Variants in CEP162 observed in about 807,000 individuals in gnomAD.
CEP162 encodes the protein centrosomal protein of 162 kDa.
Under a neutral mutation model 169.2 loss-of-function variants are expected in CEP162, and 141 were observed. The ratio of observed to expected loss-of-function variants is 0.83; its 90% confidence interval spans 0.73 to 0.96. The LOEUF (loss-of-function observed/expected upper bound fraction) is 0.96, where lower values mean the gene tolerates loss of function less well. Ranked by LOEUF, CEP162 falls within the 40% of genes least tolerant of loss-of-function variation. CEP162 has a pLI of 0.00. For missense variants in CEP162, 1,600 were observed against 1,587.2 expected, an observed-to-expected ratio of 1.01 and a Z score of -0.14; for synonymous variants, 540 against 526.4, an observed-to-expected ratio of 1.03 and a Z score of -0.35.
intron 23 of CEP162, among the ~76,000 whole-genome samples, chr6:84,150,489 T>C (rs888389525): frequency 1.3e-5 from 2 of 152,148 alleles, no homozygotes; most frequent in Non-Finnish European, 2.9e-5. Flanking sequence ...ATATGAATAT[T>C]TCTCCATGGA....
chr6:84,225,988 G>C (rs1249798801), intron 2 of CEP162, among the ~76,000 whole-genome samples: 4 of 152,056 alleles, frequency 2.6e-5, no homozygotes, highest in African/African-American at 9.7e-5. Flanking sequence ...AAGGCAGTGA[G>C]ATATGTAAGA....
intron 7 of CEP162, among the ~76,000 whole-genome samples, chr6:84,202,518 C>CTTTTTTTTTTTTTTTTTTTTTTTTTTTTT (rs70987776): frequency 2.2e-5 from 2 of 90,774 alleles, no homozygotes; most frequent in African/African-American, 1.2e-4. Flanking sequence ...TTCTTTCTTT[C>CTTTTTTTTTTTTTTTTTTTTTTTTTTTTT]TTTTTTTTTT....
At chr6:84,217,949 T>C (rs182639755) in intron 3 of CEP162, 1 of 152,132 alleles carries the variant, frequency 6.6e-6, no homozygotes, top group Non-Finnish European at 1.5e-5. Flanking sequence ...CAATGAACAA[T>C]AACCTACTCC....
At chr6:84,223,760 A>T (rs2099554656) in intron 2 of CEP162, among the ~76,000 whole-genome samples, 1 of 151,662 alleles carries the variant, frequency 6.6e-6, no homozygotes, top group Non-Finnish European at 1.5e-5. Flanking sequence ...CATAAAAATT[A>T]GCTGGGCGTG....
rs139517017 is a variant in CEP162 at position 84,172,213 on chromosome 6, T to C, written c.2167-495A>G. Among the ~76,000 whole-genome samples, 1,457 of 152,316 alleles carry C rather than the reference T, an allele frequency of 9.6e-3. 27 individuals are homozygous for C. Among genetic ancestry groups the C allele is most frequent in the African/African-American group, 0.033 (1,378 of 41,566 alleles). ...GGGTGCTCATACTTGTATCTGCTAC[T>C]GACTGTAAACAGGGAGTTAAAGACC... On this transcript the variant is annotated intron_variant, in intron 16 of 26. Transcript: ENST00000403245.
intron 16 of CEP162, among the ~76,000 whole-genome samples, chr6:84,172,922 A>T (rs1306483785): frequency 6.6e-6 from 1 of 152,184 alleles, no homozygotes; most frequent in Non-Finnish European, 1.5e-5. Context: ...GAAGATAACT[A>T]AACCTGTCCT....
intron 7 of CEP162, among the ~76,000 whole-genome samples, chr6:84,203,349 A>G (rs956793617): frequency 6.6e-6 from 1 of 152,248 alleles, no homozygotes; most frequent in East Asian, 1.9e-4. Flanking sequence ...AAGAAAAAGT[A>G]TAAGTTAACA....
chr6:84,190,173 C>T (rs574746173), intron 11 of CEP162, among the ~76,000 whole-genome samples: 2 of 152,180 alleles, frequency 1.3e-5, no homozygotes, highest in East Asian at 1.9e-4. Flanking sequence ...CTGCACCAAT[C>T]GACACTCTGT....
chr6:84,139,069 G>C (rs1426813273), intron 25 of CEP162, among the ~76,000 whole-genome samples: 2 of 152,106 alleles, frequency 1.3e-5, no homozygotes, highest in Non-Finnish European at 2.9e-5. Context: ...AGCTTTCCTG[G>C]CCTTTCACAC....
At chr6:84,194,543 T>C (rs1187182770) in intron 10 of CEP162, among the ~76,000 whole-genome samples, 1 of 151,214 alleles carries the variant, frequency 6.6e-6, no homozygotes, top group Non-Finnish European at 1.5e-5. Context: ...AACCTTCGTC[T>C]CCCGTGTTCA....
chr6:84,136,303 C>T (rs1353625725), intron 25 of CEP162, among the ~76,000 whole-genome samples: 9 of 152,154 alleles, frequency 5.9e-5, no homozygotes, highest in Admixed American at 1.3e-4. Context: ...GCTTACAGTT[C>T]GGCATCTGGA....
At chr6:84,171,208 C>A (rs1211286905) in intron 17 of CEP162, among the ~76,000 whole-genome samples, 2 of 152,122 alleles carry the variant, frequency 1.3e-5, no homozygotes, top group Admixed American at 1.3e-4. Flanking sequence ...TTCTATGGAA[C>A]CTGACCCAAG....
In CEP162 at chr6:84,201,754, GT is replaced by G. The variant is rs2099544608; in HGVS notation, c.700del (p.Thr234LeufsTer13). On this transcript the variant is annotated frameshift_variant, in exon 8 of 27. Transcript: ENST00000403245. LOFTEE classifies it high-confidence loss of function. ...ISVPKQEEEK[T>X]GMLANVVLLD... ...ATATTTACCATTAGCAAGCATGCCA[GT>G]TTTTTCTTCTTCCTAAATTAAAAAA... is the stretch of plus-strand genomic sequence containing the variant. 5 of 1,344,676 alleles carry G rather than the reference GT, an allele frequency of 3.7e-6. No individual in the cohort carries two copies. Among genetic ancestry groups the G allele is most frequent in the Non-Finnish European group, 5.1e-6 (5 of 973,336 alleles). 83.3% of individuals were successfully genotyped at this position (1,344,676 alleles called of 1,614,324 possible). A position where few individuals can be genotyped will look rare whatever the true frequency, so the allele number is the denominator to read the frequency against.
At position 84,152,782 on chromosome 6, in the gene CEP162, GA is replaced by G; in HGVS notation, c.3391del (p.Ser1131LeufsTer49). The G allele has an allele frequency of 6.2e-7, 1 of 1,613,488 alleles. No individual in the cohort carries two copies. Among genetic ancestry groups the G allele is most frequent in the East Asian group, 2.2e-5 (1 of 44,850 alleles). On this transcript the variant is annotated frameshift_variant, in exon 23 of 27. Transcript: ENST00000403245. LOFTEE classifies it high-confidence loss of function. ...AACATCTTTCTTTGCCCTTTTGGCA[GA>G]CATTTCCTCTCTGCCCTTTGAGTTC... ...NQNSKGREEM[S>X]AKRAKKDVLH...
At chr6:84,175,738 A>G (rs73750536) in intron 13 of CEP162, among the ~76,000 whole-genome samples, 4,262 of 152,272 alleles carry the variant, frequency 0.028, 205 homozygotes, top group African/African-American at 0.097. Context: ...AGCTGATAAC[A>G]TTATGAAACA....
intron 3 of CEP162, chr6:84,219,235 C>T: frequency 9.9e-7 from 1 of 1,014,014 alleles, no homozygotes; most frequent in African/African-American, 1.7e-5. Flanking sequence ...GAACATAATA[C>T]AAACTCAGTA....
intron 25 of CEP162, among the ~76,000 whole-genome samples, chr6:84,139,608 A>G (rs2099515666): frequency 6.6e-6 from 1 of 152,234 alleles, no homozygotes; most frequent in Non-Finnish European, 1.5e-5. Context: ...CAAAACTGGC[A>G]GAAGCTGGTA....
At chr6:84,225,795 A>C (rs187306803) in intron 2 of CEP162, among the ~76,000 whole-genome samples, 1 of 152,282 alleles carries the variant, frequency 6.6e-6, no homozygotes, top group African/African-American at 2.4e-5. Flanking sequence ...TAAACAGAAG[A>C]AGCCTCTCTG....
intron 25 of CEP162, among the ~76,000 whole-genome samples, chr6:84,134,874 T>A (rs956687764): frequency 6.6e-6 from 1 of 151,178 alleles, no homozygotes; most frequent in Admixed American, 6.6e-5. Flanking sequence ...AATGGTATAA[T>A]AGAAGTGCCA....
Sources: gnomAD v4.1 joint callset for allele counts (sites outside exome capture counted in the v4.1 genomes callset) on GRCh38, gnomAD v4.1.1 for gene constraint, MANE v1.5 for transcripts, NCBI Gene and HGNC (gene_info 2026-07-23, HGNC 2026-07-21) for gene names.